The following AGBL1 variants were observed in gnomAD, a reference collection of about 807,000 sequenced individuals.
AGBL1 encodes the protein AGBL carboxypeptidase 1.
A neutral mutation model predicts 118.9 loss-of-function variants in AGBL1; 130 were observed. That is an observed-to-expected ratio of 1.09 (90% CI 0.95 to 1.26). The LOEUF is 1.26. Ranked by LOEUF, AGBL1 falls within the 50% of genes most tolerant of loss-of-function variation. The pLI is 0.00. For synonymous variants in AGBL1, 555 were observed against 478.9 expected (o/e 1.16, Z -2.08); for missense variants, 1,584 against 1,298.1 (o/e 1.22, Z -3.38).
chr15:86,462,182 G>A (rs924743591), intron 18 of AGBL1, among the ~76,000 whole-genome samples: 3 of 152,136 alleles, frequency 2.0e-5, no homozygotes, highest in East Asian at 1.9e-4. Context: ...TCCAGAAAGC[G>A]TATGACCTTT....
At chr15:86,728,505 C>T (rs557048831) in intron 22 of AGBL1, among the ~76,000 whole-genome samples, 13 of 152,274 alleles carry the variant, frequency 8.5e-5, no homozygotes, top group East Asian at 1.9e-4. Flanking sequence ...CCTACCTTTT[C>T]GCCTCCAGCA....
intron 18 of AGBL1, among the ~76,000 whole-genome samples, chr15:86,498,167 A>T (rs921862722): frequency 2.0e-5 from 3 of 151,936 alleles, no homozygotes; most frequent in Admixed American, 2.0e-4. Flanking sequence ...ACATTAACTT[A>T]TAATTATAAA....
At chr15:87,006,418 C>T (rs1180177980) in intron 24 of AGBL1, among the ~76,000 whole-genome samples, 2 of 152,186 alleles carry the variant, frequency 1.3e-5, no homozygotes, top group Non-Finnish European at 2.9e-5. Flanking sequence ...AGCCTCGCTG[C>T]TGCCTTGCAG....
At chr15:86,434,432 G>A (rs2081975678) in intron 18 of AGBL1, among the ~76,000 whole-genome samples, 1 of 152,210 alleles carries the variant, frequency 6.6e-6, no homozygotes, top group South Asian at 2.1e-4. Context: ...TGCAGGGAGA[G>A]CAGATAGTGC....
At chr15:86,581,370 T>C (rs2084169984) in intron 21 of AGBL1, among the ~76,000 whole-genome samples, 1 of 152,152 alleles carries the variant, frequency 6.6e-6, no homozygotes, top group Admixed American at 6.6e-5. Context: ...TCCTCCCCCA[T>C]TGGCTAATGA....
intron 1 of AGBL1, among the ~76,000 whole-genome samples, chr15:86,127,726 G>A (rs1168947319): frequency 6.6e-6 from 1 of 152,206 alleles, no homozygotes; most frequent in East Asian, 1.9e-4. Flanking sequence ...ACATGTGACT[G>A]AGTTTTGATA....
rs1054993228 is a variant in AGBL1 at position 86,521,424 on chromosome 15, C to T, written c.2556-1386C>T. Among the ~76,000 whole-genome samples the T allele has an allele frequency of 1.4e-4, 22 of 152,250 alleles. 1 individual carries two copies. Among genetic ancestry groups the T allele is most frequent in the African/African-American group, 5.3e-4 (22 of 41,562 alleles). ...GTTTTGATGGTGACCAAGAGACTAT[C>T]ACTGTCCCTGCCCCCAGGAGGCTCC... On this transcript the variant is annotated intron_variant, in intron 18 of 22. Transcript: ENST00000614907.
chr15:86,156,774 C>T lies in AGBL1; in HGVS notation c.395-2159C>T, dbSNP rs1325340686. On this transcript the variant is annotated intron_variant, in intron 4 of 22. Coordinates refer to ENST00000614907, the MANE Select transcript of AGBL1 (RefSeq NM_001386094.1). Reference sequence around the variant, plus strand: ...TAAAATGCCTGATTTTTTTTCTTTTCTTTCTTTTTTCTTTTCTTTCTTTTT... The same window carrying T: ...TAAAATGCCTGATTTTTTTTCTTTTTTTTCTTTTTTCTTTTCTTTCTTTTT... 3.2e-4 allele frequency among the ~76,000 whole-genome samples: 27 copies of T among 85,310 alleles called. No homozygotes were observed. The East Asian group carries it at 6.5e-3, about 21-fold the overall frequency. 56.0% of individuals were successfully genotyped at this position (85,310 alleles called of 152,430 possible).
chr15:86,236,093 T>A (rs1320581398), intron 6 of AGBL1, among the ~76,000 whole-genome samples: 1 of 152,248 alleles, frequency 6.6e-6, no homozygotes, highest in African/African-American at 2.4e-5. Flanking sequence ...AAACTTTTTT[T>A]TGAAAGAAAT....
At chr15:86,370,034 G>C (rs2141940772) in intron 17 of AGBL1, among the ~76,000 whole-genome samples, 1 of 152,252 alleles carries the variant, frequency 6.6e-6, no homozygotes, top group South Asian at 2.1e-4. Flanking sequence ...TATGAGCAGA[G>C]AGCAATTTAC....
intron 22 of AGBL1, among the ~76,000 whole-genome samples, chr15:86,836,448 A>T (rs1244512554): frequency 6.6e-6 from 1 of 152,182 alleles, no homozygotes; most frequent in Non-Finnish European, 1.5e-5. Flanking sequence ...GGATGAAAGA[A>T]ATACTCCAGA....
intron 16 of AGBL1, among the ~76,000 whole-genome samples, chr15:86,286,717 G>T: frequency 1.1e-5 from 1 of 87,518 alleles, no homozygotes; most frequent in African/African-American, 5.5e-5. Context: ...ATATATATGT[G>T]TGTGTGTGTT....
intron 21 of AGBL1, among the ~76,000 whole-genome samples, chr15:86,617,945 T>A (rs2142404014): frequency 6.6e-6 from 1 of 152,316 alleles, no homozygotes; most frequent in African/African-American, 2.4e-5. Flanking sequence ...TGGAATAATA[T>A]TAATTGAGGA....
intron 21 of AGBL1, among the ~76,000 whole-genome samples, chr15:86,563,360 T>C (rs1287355066): frequency 6.6e-6 from 1 of 152,204 alleles, no homozygotes; most frequent in African/African-American, 2.4e-5. Flanking sequence ...TTCTCATTGG[T>C]TTCAAAGAAC....
chr15:86,827,430 CACATATATATATGTGT>C lies in AGBL1; in HGVS notation c.3159-79656_3159-79641del, dbSNP rs1567194739. ...ATATGTGTATATATATATATATATA[CACATATATATATGTGT>C]GTGTATATATATATATATATATACA... is the stretch of plus-strand genomic sequence containing the variant. On this transcript the variant is annotated intron_variant, in intron 22 of 22. Coordinates refer to ENST00000614907, the MANE Select transcript of AGBL1 (RefSeq NM_001386094.1). Among the ~76,000 whole-genome samples the C allele has an allele frequency of 9.2e-3, 36 of 3,926 alleles. 6 individuals are homozygous for C. Among genetic ancestry groups the C allele is most frequent in the Admixed American group, 0.024 (5 of 206 alleles). 2.6% of individuals were successfully genotyped at this position (3,926 alleles called of 152,430 possible).
Position 86,911,589 on chromosome 15 carries a change from A to G in AGBL1, c.*4295A>G, listed in dbSNP as rs1295390719. On this transcript the variant is annotated 3_prime_UTR_variant, in exon 23 of 23. Coordinates refer to ENST00000614907, the MANE Select transcript of AGBL1 (RefSeq NM_001386094.1). ...ACCCTCTTTCTCTCTCATCGCACTT[A>G]TGCTTGTGAGTGTCTACACACATAT... 6.6e-6 allele frequency: 1 copy of G among 152,128 alleles called. No homozygotes were observed. Among genetic ancestry groups the G allele is most frequent in the Non-Finnish European group, 1.5e-5 (1 of 68,054 alleles). The allele number at this position is 152,128 out of a possible 1,614,324, so 9.4% of individuals were successfully genotyped here. A position where few individuals can be genotyped will look rare whatever the true frequency, so the allele number is the denominator to read the frequency against.
intron 15 of AGBL1, among the ~76,000 whole-genome samples, chr15:86,275,441 G>T (rs1436297860): frequency 6.6e-6 from 1 of 152,158 alleles, no homozygotes. Flanking sequence ...TAAATGAAAT[G>T]ATACACCCTT....
chr15:86,714,162 CAG>C (rs1461595792), intron 22 of AGBL1, among the ~76,000 whole-genome samples: 1 of 152,054 alleles, frequency 6.6e-6, no homozygotes, highest in East Asian at 1.9e-4. Context: ...CATATAAACA[CAG>C]AATTAATTAT....
intron 21 of AGBL1, among the ~76,000 whole-genome samples, chr15:86,648,728 A>G (rs1265614739): frequency 6.6e-6 from 1 of 152,206 alleles, no homozygotes; most frequent in African/African-American, 2.4e-5. Flanking sequence ...AGGTAGAAGG[A>G]AAACCAGGAG....
Sources: gnomAD v4.1 joint callset for allele counts (sites outside exome capture counted in the v4.1 genomes callset) on GRCh38, gnomAD v4.1.1 for gene constraint, MANE v1.5 for transcripts, NCBI Gene and HGNC (gene_info 2026-07-23, HGNC 2026-07-21) for gene names.